EML4: variants seen among roughly 807,000 people sequenced by gnomAD.
The protein encoded by EML4 is EMAP like 4.
A neutral mutation model predicts 129.0 loss-of-function variants in EML4; 72 were observed. The ratio of observed to expected loss-of-function variants is 0.56; its 90% CI spans 0.46 to 0.68. The LOEUF (loss-of-function observed/expected upper bound fraction) is 0.68, where lower values mean the gene tolerates loss of function less well. Ranked by LOEUF, EML4 falls within the 30% of genes least tolerant of loss-of-function variation. The pLI is 0.00. For synonymous variants in EML4, 532 were observed against 405.0 expected (o/e 1.31, Z -3.77); for missense variants, 1,363 against 1,190.6 (o/e 1.14, Z -2.13).
chr2:42,221,184 GT>G (rs936111832), intron 1 of EML4, among the ~76,000 whole-genome samples: 9 of 152,024 alleles, frequency 5.9e-5, no homozygotes, highest in African/African-American at 2.2e-4. Flanking sequence ...ATGTTACCCA[GT>G]ACTTTCATAG....
At position 42,304,324 on chromosome 2, in the gene EML4, T is replaced by G. The variant is rs533254567; in HGVS notation, c.1900-160T>G. ...AGCATATCCCCTTCATGCTCTGAAA[T>G]TCTTTTTCCTCTCATATCTGTGTGG... On this transcript the variant is annotated intron_variant, in intron 16 of 22. Coordinates refer to ENST00000318522, the MANE Select transcript of EML4 (RefSeq NM_019063.5). 9.8e-5 allele frequency among the ~76,000 whole-genome samples: 15 copies of G among 152,360 alleles called. 1 individual carries two copies. The East Asian group carries it at 2.9e-3, about 29-fold the overall frequency.
chr2:42,329,803 C>T lies in EML4; in HGVS notation c.2542C>T (p.His848Tyr). ...TNVSFTHNDS[H>Y]LISTGGKDMS... Reference sequence around the variant, plus strand: ...TGTCAGTTTTACTCACAATGACAGTCACCTGATATCAACTGGTGGAAAAGA... The same window carrying T: ...TGTCAGTTTTACTCACAATGACAGTTACCTGATATCAACTGGTGGAAAAGA... Residue 848 changes from histidine (H) to tyrosine (Y), a missense_variant, in exon 23 of 23, where the codon CAC (histidine) becomes TAC (tyrosine). Transcript: ENST00000318522. 1 of 1,614,126 alleles carries T rather than the reference C, an allele frequency of 6.2e-7. No individual in the cohort carries two copies. Among genetic ancestry groups the T allele is most frequent in the South Asian group, 1.1e-5 (1 of 91,066 alleles).
chr2:42,313,743 C>A (rs190132878), intron 17 of EML4, among the ~76,000 whole-genome samples: 1 of 152,012 alleles, frequency 6.6e-6, no homozygotes, highest in Admixed American at 6.6e-5. Context: ...GCCTGATCAA[C>A]ACGGCGAAAC....
At chr2:42,317,890 C>T (rs573995153) in intron 19 of EML4, among the ~76,000 whole-genome samples, 2 of 152,314 alleles carry the variant, frequency 1.3e-5, no homozygotes, top group Admixed American at 6.5e-5. Context: ...CAACACCCTA[C>T]AACATCCTAT....
intron 6 of EML4, among the ~76,000 whole-genome samples, chr2:42,272,741 A>G (rs1666445067): frequency 6.6e-6 from 1 of 152,196 alleles, no homozygotes; most frequent in Admixed American, 6.5e-5. Context: ...AAAGACTTTA[A>G]CCACAATAAA....
Position 42,330,316 on chromosome 2 carries a change from G to A in EML4, c.*109G>A, listed in dbSNP as rs1361264222. Reference sequence around the variant, plus strand: ...AGAATCACTGTTGATTGAGATTTTGGTTTCCATGTGATTTGTTTTCTTCAA... The same window carrying A: ...AGAATCACTGTTGATTGAGATTTTGATTTCCATGTGATTTGTTTTCTTCAA... On this transcript the variant is annotated 3_prime_UTR_variant, in exon 23 of 23. Coordinates refer to ENST00000318522, the MANE Select transcript of EML4 (RefSeq NM_019063.5). 1 of 999,786 alleles carries A rather than the reference G, an allele frequency of 1.0e-6. No homozygotes were observed. Among genetic ancestry groups the A allele is most frequent in the Non-Finnish European group, 1.5e-6 (1 of 649,118 alleles). 61.9% of individuals were successfully genotyped at this position (999,786 alleles called of 1,614,324 possible). A position where few individuals can be genotyped will look rare whatever the true frequency, so the allele number is the denominator to read the frequency against.
chr2:42,205,928 G>A (rs749999903), intron 1 of EML4, among the ~76,000 whole-genome samples: 7 of 151,882 alleles, frequency 4.6e-5, no homozygotes, highest in Non-Finnish European at 8.8e-5. Context: ...CCTCTACCTA[G>A]CCTGTTTCTG....
rs111411126 is a variant in EML4 at position 42,305,268 on chromosome 2, C to T, written c.1967+717C>T. 8.5e-3 allele frequency among the ~76,000 whole-genome samples: 1,300 copies of T among 152,062 alleles called. 15 individuals are homozygous for T. Among genetic ancestry groups the T allele is most frequent in the African/African-American group, 0.025 (1,044 of 41,480 alleles). ...AAAATAAAAATAATAAACATTATCA[C>T]GAATTATATTAGAAAATGTTAAGAA... On this transcript the variant is annotated intron_variant, in intron 17 of 22. Coordinates refer to ENST00000318522, the MANE Select transcript of EML4 (RefSeq NM_019063.5).
intron 1 of EML4, among the ~76,000 whole-genome samples, chr2:42,216,791 C>A (rs939771548): frequency 6.6e-6 from 1 of 152,126 alleles, no homozygotes; most frequent in Non-Finnish European, 1.5e-5. Context: ...GCTTTCTTTG[C>A]AATGGAGGAA....
At chr2:42,321,155 G>A (rs554548372) in intron 19 of EML4, among the ~76,000 whole-genome samples, 81 of 88,498 alleles carry the variant, frequency 9.2e-4, no homozygotes, top group African/African-American at 3.5e-3. Flanking sequence ...AGGCCAAGGC[G>A]GGCGGATCAC....
chr2:42,265,570 C>A (rs1666012683), intron 6 of EML4, among the ~76,000 whole-genome samples: 1 of 152,046 alleles, frequency 6.6e-6, no homozygotes. Flanking sequence ...CATCTTATTT[C>A]TAAGAAATCT....
At chr2:42,329,152 G>A in intron 22 of EML4, 136 bp downstream of exon 22, 1 of 771,478 alleles carries the variant, frequency 1.3e-6, no homozygotes, top group South Asian at 2.3e-5. Context: ...AGGGCCATCG[G>A]TGAGCATCCA....
At chr2:42,306,484 C>CTTTTTGTTTTTTTTTTTT (rs1668599575) in intron 17 of EML4, among the ~76,000 whole-genome samples, 1 of 74,604 alleles carries the variant, frequency 1.3e-5, no homozygotes, top group Non-Finnish European at 2.6e-5. Flanking sequence ...GTGCTAAATC[C>CTTTTTGTTTTTTTTTTTT]TTTTTTTTTT....
At chr2:42,316,298 A>T (rs1282839682) in intron 18 of EML4, among the ~76,000 whole-genome samples, 2 of 152,360 alleles carry the variant, frequency 1.3e-5, no homozygotes, top group South Asian at 2.1e-4. Context: ...AAAGCAGAAT[A>T]AAGTGCAGTC....
chr2:42,268,480 C>T (rs554144848), intron 6 of EML4, among the ~76,000 whole-genome samples: 4 of 152,054 alleles, frequency 2.6e-5, no homozygotes, highest in African/African-American at 7.2e-5. Flanking sequence ...ACTCTGCCAC[C>T]GAGGCTGGAG....
chr2:42,209,626 C>T (rs898553165), intron 1 of EML4, among the ~76,000 whole-genome samples: 5 of 152,114 alleles, frequency 3.3e-5, no homozygotes, highest in African/African-American at 4.8e-5. Flanking sequence ...TTTAAAATGA[C>T]TTTTAAAAAA....
At chr2:42,185,974 T>C (rs1422218891) in intron 1 of EML4, among the ~76,000 whole-genome samples, 1 of 152,150 alleles carries the variant, frequency 6.6e-6, no homozygotes, top group East Asian at 1.9e-4. Flanking sequence ...TCAGGCACTT[T>C]ATGCATATGA....
intron 6 of EML4, among the ~76,000 whole-genome samples, chr2:42,271,817 T>C (rs531172073): frequency 5.3e-5 from 8 of 152,284 alleles, no homozygotes; most frequent in African/African-American, 1.9e-4. Flanking sequence ...ATCTGTGCTG[T>C]CCAGGCCGGG....
intron 6 of EML4, chr2:42,265,074 C>G (rs1369475577): frequency 2.2e-6 from 2 of 913,114 alleles, no homozygotes; most frequent in African/African-American, 1.7e-5. Flanking sequence ...GTGATTTGAG[C>G]TAGATGAATC....
Sources: allele counts gnomAD v4.1 joint callset (sites outside exome capture counted in the v4.1 genomes callset), GRCh38; gene constraint gnomAD v4.1.1; transcripts MANE v1.5; gene names NCBI Gene and HGNC (gene_info 2026-07-23, HGNC 2026-07-21).